Variants in ZBTB40 observed in about 807,000 individuals in gnomAD.
The protein encoded by ZBTB40 is zinc finger and BTB domain-containing protein 40.
ZBTB40 carries 60 observed loss-of-function variants against 117.5 expected under a neutral mutation model. The ratio of observed to expected loss-of-function variants is 0.51; its 90% CI spans 0.41 to 0.63. The LOEUF is 0.63. Among genes scored for constraint, ZBTB40 ranks in the 30% least tolerant of loss-of-function variants. ZBTB40 has a pLI of 0.00. For synonymous variants in ZBTB40, 525 were observed against 577.1 expected, an observed-to-expected ratio of 0.91 and a Z score of 1.29; for missense variants, 1,287 against 1,498.5, an observed-to-expected ratio of 0.86 and a Z score of 2.33.
chr1:22,510,205 A>G (rs1265864619), intron 9 of ZBTB40, among the ~76,000 whole-genome samples: 1 of 152,190 alleles, frequency 6.6e-6, no homozygotes, highest in Non-Finnish European at 1.5e-5. Context: ...ACAGATTCAA[A>G]TGTAGTGCCC....
chr1:22,466,791 A>G (rs532044428), intron 1 of ZBTB40, among the ~76,000 whole-genome samples: 105 of 151,526 alleles, frequency 6.9e-4, no homozygotes, highest in Non-Finnish European at 1.1e-3. Flanking sequence ...CTGGTACACT[A>G]TATGTATTCT....
At chr1:22,436,519 A>G (rs1210544714) in intron 1 of ZBTB40, among the ~76,000 whole-genome samples, 1 of 152,232 alleles carries the variant, frequency 6.6e-6, no homozygotes, top group African/African-American at 2.4e-5. Context: ...TCTCAAAAAA[A>G]TAAAAAATAA....
At chr1:22,498,841 A>G (rs888654860) in intron 3 of ZBTB40, among the ~76,000 whole-genome samples, 6 of 152,182 alleles carry the variant, frequency 3.9e-5, no homozygotes, top group Non-Finnish European at 7.3e-5. Flanking sequence ...TGCTGTATCA[A>G]TTGAGATGCA....
intron 1 of ZBTB40, among the ~76,000 whole-genome samples, chr1:22,453,595 A>G (rs1640934792): frequency 6.6e-6 from 1 of 152,224 alleles, no homozygotes; most frequent in Non-Finnish European, 1.5e-5. Context: ...GTACTGTGCT[A>G]AGTGCTTTAT....
At position 22,521,392 on chromosome 1, in the gene ZBTB40, C is replaced by T. The variant is rs1472938819; in HGVS notation, c.3049-104C>T. Reference sequence around the variant, plus strand: ...AGGTAAGAGTGTGTGATACTAGAAACGTCAGCTTATCCAAAAATGTATTTC... The same window carrying T: ...AGGTAAGAGTGTGTGATACTAGAAATGTCAGCTTATCCAAAAATGTATTTC... On this transcript the variant is annotated intron_variant, in intron 14 of 17. Coordinates refer to ENST00000375647, the MANE Select transcript of ZBTB40 (RefSeq NM_014870.4). The T allele has an allele frequency of 9.7e-6, 14 of 1,439,690 alleles. No homozygotes were observed. The Admixed American group carries it at 1.3e-4, about 13-fold the overall frequency. 89.2% of individuals were successfully genotyped at this position (1,439,690 alleles called of 1,614,324 possible).
At chr1:22,524,125 C>G in intron 16 of ZBTB40, 93 bp from the exon 17 acceptor site, 1 of 1,238,352 alleles carries the variant, frequency 8.1e-7, no homozygotes. Flanking sequence ...ATCCTCATTG[C>G]TCTTTCCTCT....
At chr1:22,504,833 A>G (rs1053480830) in intron 5 of ZBTB40, among the ~76,000 whole-genome samples, 1 of 152,248 alleles carries the variant, frequency 6.6e-6, no homozygotes. Flanking sequence ...TTTAAAGCCT[A>G]TGCTTACTCT....
chr1:22,512,041 G>A lies in ZBTB40; in HGVS notation c.2368G>A (p.Gly790Ser). Residue 790 changes from glycine to serine, a missense_variant, in exon 11 of 18, where the codon GGT (glycine) becomes AGT (serine). Gly to Ser is a moderately conservative substitution (Grantham distance 56). Transcript: ENST00000375647. ...ELDKHQLEAH[G>S]AGGEPDAPKK... ...GGACAAACATCAGCTGGAGGCCCAT[G>A]GTGCAGGTGGAGAGCCCGATGCCCC... 1 of 1,614,180 alleles carries A rather than the reference G, an allele frequency of 6.2e-7. No individual in the cohort carries two copies. The highest frequency in any genetic ancestry group is 8.5e-7 in the Non-Finnish European group (1 of 1,180,046).
chr1:22,526,547 G>C lies in ZBTB40; in HGVS notation c.*151G>C, dbSNP rs1639683914. 2.0e-6 allele frequency: 2 copies of C among 1,002,990 alleles called. No homozygotes were observed. 62.1% of individuals were successfully genotyped at this position (1,002,990 alleles called of 1,614,324 possible). On this transcript the variant is annotated 3_prime_UTR_variant, in exon 18 of 18. Transcript: ENST00000375647. ...AGTCTCACCTAGAAAACAGATGGAAGCTTCGTTGTTCTCATAGAACCAACA... is the reference window on the plus strand; with the variant it reads ...AGTCTCACCTAGAAAACAGATGGAACCTTCGTTGTTCTCATAGAACCAACA...
intron 16 of ZBTB40, among the ~76,000 whole-genome samples, 193 bp from the exon 17 acceptor site, chr1:22,524,025 G>A (rs1639608988): frequency 1.3e-5 from 2 of 152,126 alleles, no homozygotes; most frequent in African/African-American, 2.4e-5. Context: ...CCAAGGCTCT[G>A]TCCTTGTCAT....
At chr1:22,469,942 G>A (rs1393743263) in intron 1 of ZBTB40, among the ~76,000 whole-genome samples, 1 of 152,138 alleles carries the variant, frequency 6.6e-6, no homozygotes, top group African/African-American at 2.4e-5. Context: ...TTTGCTGAAA[G>A]AGCCATCAGT....
At chr1:22,481,408 T>C (rs1187068938) in intron 1 of ZBTB40, among the ~76,000 whole-genome samples, 2 of 152,214 alleles carry the variant, frequency 1.3e-5, no homozygotes, top group Non-Finnish European at 2.9e-5. Context: ...CTCAAGCTTA[T>C]AATCACCTTT....
upstream of ZBTB40, among the ~76,000 whole-genome samples, chr1:22,448,833 G>A (rs1569751352): frequency 1.3e-5 from 2 of 148,208 alleles, no homozygotes; most frequent in Admixed American, 1.3e-4. Flanking sequence ...TTTTTTTTTT[G>A]AGACAGTCTT....
At chr1:22,454,383 AAC>A (rs1190889277) in intron 1 of ZBTB40, among the ~76,000 whole-genome samples, 1 of 152,224 alleles carries the variant, frequency 6.6e-6, no homozygotes, top group African/African-American at 2.4e-5. Flanking sequence ...GTAAAGAAAT[AAC>A]AAAGTTATTC....
chr1:22,511,334 G>A lies in ZBTB40; in HGVS notation c.1989G>A (p.Glu663=). 1 of 1,614,080 alleles carries A rather than the reference G, an allele frequency of 6.2e-7. No homozygotes were observed. Among genetic ancestry groups the A allele is most frequent in the Non-Finnish European group, 8.5e-7 (1 of 1,180,044 alleles). The part of the protein sequence containing the change: ...SFPGLQPVMQ[E]LAYIGVLTKE... Reference sequence around the variant, plus strand: ...CAGGCCTGCAGCCTGTCATGCAGGAGTTGGCATACATTGGTAAGGAACGGG... The same window carrying A: ...CAGGCCTGCAGCCTGTCATGCAGGAATTGGCATACATTGGTAAGGAACGGG... Residue 663 remains glutamate (E), a synonymous_variant, in exon 10 of 18, where the codon GAG becomes GAA. Transcript: ENST00000375647.
intron 1 of ZBTB40, among the ~76,000 whole-genome samples, chr1:22,480,070 C>T (rs1289810567): frequency 6.6e-6 from 1 of 152,144 alleles, no homozygotes; most frequent in African/African-American, 2.4e-5. Flanking sequence ...ACCACGCCAG[C>T]TAGTTTTTAT....
chr1:22,506,263 T>A, intron 6 of ZBTB40, 22 bp downstream of exon 6: 1 of 1,613,074 alleles, frequency 6.2e-7, no homozygotes, highest in Non-Finnish European at 8.5e-7. Context: ...TTGTTGACTC[T>A]CTGGACTGGA....
At chr1:22,455,873 A>T (rs1640992898) in intron 1 of ZBTB40, among the ~76,000 whole-genome samples, 1 of 152,036 alleles carries the variant, frequency 6.6e-6, no homozygotes. Context: ...TCTGTCTGCA[A>T]TGATGCTTTG....
intron 13 of ZBTB40, among the ~76,000 whole-genome samples, chr1:22,518,001 A>G (rs1303880077): frequency 6.6e-6 from 1 of 152,218 alleles, no homozygotes; most frequent in East Asian, 1.9e-4. Flanking sequence ...ACAGACAGAA[A>G]CACACTTTTA....
Sources: allele counts gnomAD v4.1 joint callset (sites outside exome capture counted in the v4.1 genomes callset), GRCh38; gene constraint gnomAD v4.1.1; transcripts MANE v1.5; gene names NCBI Gene and HGNC (gene_info 2026-07-23, HGNC 2026-07-21).